ZEB2: variants seen among roughly 807,000 people sequenced by gnomAD.
The protein encoded by ZEB2 is zinc finger E-box binding homeobox 2.
Under a neutral mutation model 99.9 loss-of-function variants are expected in ZEB2, and 6 were observed. The ratio of observed to expected loss-of-function variants is 0.06; its 90% CI spans 0.03 to 0.12. The LOEUF is 0.12. ZEB2 is among the 10% of genes least tolerant of loss of function. The probability of loss-of-function intolerance (pLI) is 1.00; values close to 1 mark genes in which losing one functional copy is unlikely to be tolerated. For missense variants in ZEB2, 969 were observed against 1,502.8 expected (o/e 0.64, Z 5.87); for synonymous variants, 517 against 542.5 (o/e 0.95, Z 0.65).
chr2:144,395,449 A>G (rs918274963), intron 9 of ZEB2, among the ~76,000 whole-genome samples: 49 of 151,532 alleles, frequency 3.2e-4, no homozygotes, highest in African/African-American at 1.2e-3. Context: ...TTGTTTTCCT[A>G]TACTCCCCTA....
At chr2:144,400,535 G>A (rs922697482) in intron 7 of ZEB2, among the ~76,000 whole-genome samples, 2 of 152,194 alleles carry the variant, frequency 1.3e-5, no homozygotes, top group Non-Finnish European at 2.9e-5. Context: ...TCTGCCATCG[G>A]CAGCCTCCTA....
intron 2 of ZEB2, among the ~76,000 whole-genome samples, chr2:144,441,533 T>C (rs1703917878): frequency 6.7e-6 from 1 of 148,168 alleles, no homozygotes; most frequent in Non-Finnish European, 1.5e-5. Flanking sequence ...CACACCAGCA[T>C]TAATTTTCTA....
chr2:144,512,240 T>C, intron 2 of ZEB2: 1 of 1,287,206 alleles, frequency 7.8e-7, no homozygotes, highest in Non-Finnish European at 1.0e-6. Flanking sequence ...GCCACGGTGC[T>C]GAGAGGAAAA....
At chr2:144,459,224 G>C (rs1023229067) in intron 2 of ZEB2, among the ~76,000 whole-genome samples, 1 of 152,038 alleles carries the variant, frequency 6.6e-6, no homozygotes, top group Non-Finnish European at 1.5e-5. Flanking sequence ...TTTAATCCCT[G>C]GCTTCTTGGG....
intron 5 of ZEB2, 150 bp from the exon 6 acceptor site, chr2:144,404,280 C>G (rs967987116): frequency 3.6e-6 from 3 of 833,772 alleles, no homozygotes; most frequent in Middle Eastern, 3.4e-4. Context: ...CCCTCGCACA[C>G]CAGTCCCCTC....
At chr2:144,464,904 G>A (rs886794154) in intron 2 of ZEB2, among the ~76,000 whole-genome samples, 1 of 152,168 alleles carries the variant, frequency 6.6e-6, no homozygotes, top group African/African-American at 2.4e-5. Flanking sequence ...GGCGATAAAT[G>A]TGTTTACCTT....
intron 4 of ZEB2, among the ~76,000 whole-genome samples, chr2:144,420,931 G>C (rs1375839159): frequency 2.0e-5 from 3 of 152,152 alleles, no homozygotes; most frequent in Non-Finnish European, 4.4e-5. Context: ...GGCAATTCAG[G>C]ATTCTAAGAA....
At chr2:144,511,520 C>A (rs1050885130) in intron 2 of ZEB2, 5 of 1,281,368 alleles carry the variant, frequency 3.9e-6, no homozygotes, top group South Asian at 1.3e-5. Context: ...TTCCATGGAG[C>A]CTACTGATTA....
intron 2 of ZEB2, among the ~76,000 whole-genome samples, chr2:144,477,638 A>C (rs766344171): frequency 6.6e-6 from 1 of 152,166 alleles, no homozygotes; most frequent in Non-Finnish European, 1.5e-5. Flanking sequence ...GGTCACTTTC[A>C]TTTCCATTGT....
At chr2:144,453,769 T>C (rs554320644) in intron 2 of ZEB2, among the ~76,000 whole-genome samples, 1 of 152,178 alleles carries the variant, frequency 6.6e-6, no homozygotes, top group African/African-American at 2.4e-5. Flanking sequence ...TTGACATCAC[T>C]CAACAAAAAA....
chr2:144,505,770 C>T (rs1449718877), intron 2 of ZEB2, among the ~76,000 whole-genome samples: 1 of 152,206 alleles, frequency 6.6e-6, no homozygotes, highest in African/African-American at 2.4e-5. Flanking sequence ...AACCTACTGA[C>T]ACGTATCATT....
chr2:144,489,991 C>T (rs1704653559), intron 2 of ZEB2, among the ~76,000 whole-genome samples: 1 of 152,172 alleles, frequency 6.6e-6, no homozygotes, highest in Non-Finnish European at 1.5e-5. Flanking sequence ...CTGTTTTTGC[C>T]TCTTGTTGCT....
chr2:144,500,910 C>A (rs1487137232), intron 2 of ZEB2, among the ~76,000 whole-genome samples: 1 of 152,152 alleles, frequency 6.6e-6, no homozygotes, highest in Non-Finnish European at 1.5e-5. Flanking sequence ...CACTGGTGTG[C>A]TGTAGCGCTA....
chr2:144,448,959 T>G (rs2149898905), intron 2 of ZEB2: 1 of 152,380 alleles, frequency 6.6e-6, no homozygotes, highest in African/African-American at 2.4e-5. Flanking sequence ...GGTGTACCAC[T>G]TATGTCGTAC....
intron 2 of ZEB2, among the ~76,000 whole-genome samples, chr2:144,471,296 G>T (rs1030254870): frequency 1.1e-4 from 17 of 152,226 alleles, no homozygotes; most frequent in Middle Eastern, 3.4e-3. Flanking sequence ...TTTTTAAAGG[G>T]ATGGGATTGG....
At chr2:144,443,313 A>G (rs183516368) in intron 2 of ZEB2, among the ~76,000 whole-genome samples, 14 of 152,320 alleles carry the variant, frequency 9.2e-5, no homozygotes, top group Admixed American at 8.5e-4. Flanking sequence ...CCCTATTTTA[A>G]TAAAAAGGAA....
intron 2 of ZEB2, chr2:144,497,894 T>G: frequency 2.3e-5 from 1 of 43,752 alleles, no homozygotes; most frequent in Non-Finnish European, 4.1e-5. Flanking sequence ...TATATATATA[T>G]GTCATTCTCA....
chr2:144,486,264 C>T (rs1454241146), intron 2 of ZEB2, among the ~76,000 whole-genome samples: 1 of 152,050 alleles, frequency 6.6e-6, no homozygotes, highest in Non-Finnish European at 1.5e-5. Flanking sequence ...CTAAATTTTT[C>T]ACCTTGATCA....
intron 2 of ZEB2, among the ~76,000 whole-genome samples, chr2:144,436,363 A>T (rs140818929): frequency 6.6e-6 from 1 of 152,226 alleles, no homozygotes; most frequent in Admixed American, 6.5e-5. Context: ...CTGCATTATA[A>T]ATTAATGAGT....
Sources: allele counts gnomAD v4.1 joint callset (sites outside exome capture counted in the v4.1 genomes callset), GRCh38; gene constraint gnomAD v4.1.1; transcripts MANE v1.5; gene names NCBI Gene and HGNC (gene_info 2026-07-23, HGNC 2026-07-21).